LRMDA: variants seen among roughly 807,000 people sequenced by gnomAD.
LRMDA encodes the protein leucine-rich melanocyte differentiation-associated protein.
In LRMDA, 18 loss-of-function variants were observed where a neutral mutation model predicts 29.8. The ratio of observed to expected loss-of-function variants is 0.60; its 90% CI spans 0.42 to 0.90. The LOEUF (loss-of-function observed/expected upper bound fraction) is 0.90, where lower values mean the gene tolerates loss of function less well. Ranked by LOEUF, LRMDA falls within the 40% of genes least tolerant of loss-of-function variation. The pLI is 0.00. For missense variants in LRMDA, 273 were observed against 273.9 expected (o/e 1.00, Z 0.02); for synonymous variants, 125 against 109.4 (o/e 1.14, Z -0.89).
chr10:76,242,622 A>G (rs772438327), intron 5 of LRMDA, among the ~76,000 whole-genome samples: 3 of 152,182 alleles, frequency 2.0e-5, no homozygotes, highest in Non-Finnish European at 4.4e-5. Flanking sequence ...GTCCTCTTAG[A>G]AAGATACCAG....
intron 6 of LRMDA, among the ~76,000 whole-genome samples, chr10:76,543,577 C>G (rs992941109): frequency 6.6e-6 from 1 of 152,118 alleles, no homozygotes; most frequent in Admixed American, 6.5e-5. Context: ...TTTCCCTCCC[C>G]TCAACTCACA....
chr10:75,893,881 C>T (rs888786266), intron 2 of LRMDA, among the ~76,000 whole-genome samples: 2 of 149,390 alleles, frequency 1.3e-5, no homozygotes, highest in African/African-American at 2.5e-5. Flanking sequence ...GGCAGTCAGC[C>T]GAGATCACAC....
chr10:76,211,140 G>A (rs1213761577), intron 5 of LRMDA, among the ~76,000 whole-genome samples: 1 of 152,088 alleles, frequency 6.6e-6, no homozygotes, highest in Non-Finnish European at 1.5e-5. Flanking sequence ...CACCTTCCAT[G>A]TCTTTGCTCA....
chr10:76,254,875 G>A (rs1379916910), intron 5 of LRMDA, among the ~76,000 whole-genome samples: 1 of 152,098 alleles, frequency 6.6e-6, no homozygotes, highest in Admixed American at 6.6e-5. Context: ...CCTTTATCAT[G>A]TCAACTCCAT....
intron 2 of LRMDA, among the ~76,000 whole-genome samples, chr10:75,928,617 T>C (rs1004356973): frequency 1.4e-4 from 21 of 152,176 alleles, no homozygotes; most frequent in African/African-American, 5.1e-4. Flanking sequence ...TTTAGTAAAA[T>C]GGATTTAATG....
At chr10:75,734,739 G>C (rs1396347909) in intron 2 of LRMDA, among the ~76,000 whole-genome samples, 1 of 152,192 alleles carries the variant, frequency 6.6e-6, no homozygotes, top group Non-Finnish European at 1.5e-5. Flanking sequence ...CTCAGTATAT[G>C]CTAACAAGCC....
At chr10:76,378,950 C>T (rs756879359) in intron 6 of LRMDA, among the ~76,000 whole-genome samples, 54 of 150,980 alleles carry the variant, frequency 3.6e-4, no homozygotes, top group Middle Eastern at 3.2e-3. Context: ...TCTGCTTCCC[C>T]GGTTCAAACA....
chr10:75,759,967 T>C (rs929586797), intron 2 of LRMDA, among the ~76,000 whole-genome samples: 1 of 152,222 alleles, frequency 6.6e-6, no homozygotes, highest in Non-Finnish European at 1.5e-5. Flanking sequence ...TTTTTACAAG[T>C]TATACTCAGA....
At chr10:75,501,770 T>A (rs1845116527) in intron 2 of LRMDA, among the ~76,000 whole-genome samples, 1 of 152,236 alleles carries the variant, frequency 6.6e-6, no homozygotes, top group South Asian at 2.1e-4. Context: ...TATTGCTATT[T>A]AAAACTGCTC....
intron 2 of LRMDA, among the ~76,000 whole-genome samples, chr10:75,705,639 C>T (rs1842357141): frequency 1.3e-5 from 2 of 152,034 alleles, no homozygotes; most frequent in South Asian, 2.1e-4. Flanking sequence ...CGTGCGTGAG[C>T]GATGATGATG....
At chr10:76,267,405 C>A (rs1452127498) in intron 5 of LRMDA, among the ~76,000 whole-genome samples, 1 of 152,006 alleles carries the variant, frequency 6.6e-6, no homozygotes, top group Non-Finnish European at 1.5e-5. Flanking sequence ...GTTGTGCGAC[C>A]ATCACAACTA....
At chr10:76,487,084 TAAG>T (rs1267932683) in intron 6 of LRMDA, among the ~76,000 whole-genome samples, 17 of 152,020 alleles carry the variant, frequency 1.1e-4, no homozygotes, top group Non-Finnish European at 2.2e-4. Context: ...GTAACAACAT[TAAG>T]AACGGTGATG....
chr10:75,616,132 G>A (rs530902011), intron 2 of LRMDA, among the ~76,000 whole-genome samples: 12 of 152,286 alleles, frequency 7.9e-5, no homozygotes, highest in East Asian at 5.8e-4. Flanking sequence ...TATAAGACAC[G>A]TCTTACATGG....
At chr10:75,745,338 G>T (rs1249257081) in intron 2 of LRMDA, among the ~76,000 whole-genome samples, 2 of 151,956 alleles carry the variant, frequency 1.3e-5, no homozygotes, top group African/African-American at 4.8e-5. Flanking sequence ...TAAAAAATCA[G>T]GGTGAAATTC....
intron 2 of LRMDA, among the ~76,000 whole-genome samples, chr10:75,726,962 T>G (rs1238004542): frequency 2.0e-5 from 3 of 152,182 alleles, no homozygotes. Context: ...TATGCAAGGT[T>G]CTAGTCCACA....
intron 5 of LRMDA, among the ~76,000 whole-genome samples, chr10:76,077,474 G>C (rs1040335867): frequency 1.3e-5 from 2 of 152,006 alleles, no homozygotes; most frequent in Admixed American, 6.6e-5. Flanking sequence ...TGCTATCCAT[G>C]ACCACTGGGA....
chr10:76,379,873 C>T (rs1286640488), intron 6 of LRMDA, among the ~76,000 whole-genome samples: 3 of 152,084 alleles, frequency 2.0e-5, no homozygotes, highest in Admixed American at 6.6e-5. Context: ...CTTAGCACCA[C>T]GTTTGCTGTA....
intron 5 of LRMDA, among the ~76,000 whole-genome samples, chr10:76,121,425 A>C (rs552107694): frequency 2.0e-5 from 3 of 152,336 alleles, no homozygotes; most frequent in Admixed American, 2.0e-4. Flanking sequence ...TTGGGCTTCC[A>C]AAAGGCTGAG....
intron 5 of LRMDA, among the ~76,000 whole-genome samples, chr10:76,077,728 A>AGGAAATAGGG (rs1848981885): frequency 6.6e-6 from 1 of 152,118 alleles, no homozygotes; most frequent in Non-Finnish European, 1.5e-5. Context: ...TGTGCTTTTC[A>AGGAAATAGGG]GGAAATAGGG....
Sources: allele counts gnomAD v4.1 joint callset (sites outside exome capture counted in the v4.1 genomes callset), GRCh38; gene constraint gnomAD v4.1.1; transcripts MANE v1.5; gene names NCBI Gene and HGNC (gene_info 2026-07-23, HGNC 2026-07-21).